SLC24A2: variants seen among roughly 807,000 people sequenced by gnomAD.
The protein encoded by SLC24A2 is solute carrier family 24 member 2, also known as sodium/potassium/calcium exchanger 2.
A neutral mutation model predicts 62.0 loss-of-function variants in SLC24A2; 36 were observed. The ratio of observed to expected loss-of-function variants is 0.58; its 90% confidence interval spans 0.44 to 0.77. SLC24A2 has a LOEUF of 0.77. Ranked by LOEUF, SLC24A2 falls within the 30% of genes least tolerant of loss-of-function variation. The pLI is 0.00. For missense variants in SLC24A2, 846 were observed against 817.9 expected (o/e 1.03, Z -0.42); for synonymous variants, 358 against 294.0 (o/e 1.22, Z -2.23).
chr9:19,807,762 C>G, the SLC24A2 span, among the ~76,000 whole-genome samples: 1 of 152,152 alleles, frequency 6.6e-6, no homozygotes, highest in East Asian at 1.9e-4. Flanking sequence ...CTGAAAAGCA[C>G]TTGGAGTTCC....
At chr9:20,130,636 G>A in the SLC24A2 span, among the ~76,000 whole-genome samples, 1 of 152,082 alleles carries the variant, frequency 6.6e-6, no homozygotes, top group South Asian at 2.1e-4. Flanking sequence ...GAGCCTGTAA[G>A]GCCTGTAAGT....
the SLC24A2 span, among the ~76,000 whole-genome samples, chr9:20,281,122 G>T: frequency 6.6e-6 from 1 of 151,888 alleles, no homozygotes; most frequent in Non-Finnish European, 1.5e-5. Context: ...TTGAGACAGG[G>T]TTTCACCATC....
At chr9:19,801,463 G>A in the SLC24A2 span, among the ~76,000 whole-genome samples, 4 of 152,170 alleles carry the variant, frequency 2.6e-5, no homozygotes, top group Non-Finnish European at 4.4e-5. Context: ...AGCTCAGCTC[G>A]AGCCATAACA....
At chr9:20,072,370 G>C in the SLC24A2 span, among the ~76,000 whole-genome samples, 1 of 152,128 alleles carries the variant, frequency 6.6e-6, no homozygotes, top group African/African-American at 2.4e-5. Flanking sequence ...GAGGACAAGA[G>C]AAGGTCAGAC....
intron 5 of SLC24A2, among the ~76,000 whole-genome samples, chr9:19,586,605 AAGAT>A (rs1486560184): frequency 6.6e-6 from 1 of 151,954 alleles, no homozygotes; most frequent in African/African-American, 2.4e-5. Flanking sequence ...TTTTTATAAA[AAGAT>A]AATCTAATTG....
chr9:19,771,048 T>C (rs991462061), intron 2 of SLC24A2, among the ~76,000 whole-genome samples: 2 of 152,182 alleles, frequency 1.3e-5, no homozygotes, highest in African/African-American at 2.4e-5. Context: ...TAAAAATAAA[T>C]AACCAAAAGC....
At chr9:19,646,040 C>T (rs976471038) in intron 2 of SLC24A2, among the ~76,000 whole-genome samples, 2 of 152,128 alleles carry the variant, frequency 1.3e-5, no homozygotes, top group Non-Finnish European at 2.9e-5. Flanking sequence ...TCTATGGATG[C>T]TAGGAAGATT....
chr9:20,289,269 T>C, the SLC24A2 span, among the ~76,000 whole-genome samples: 1 of 152,220 alleles, frequency 6.6e-6, no homozygotes, highest in African/African-American at 2.4e-5. Flanking sequence ...AGTTAAGTTT[T>C]ATGTCCTGCT....
At chr9:20,218,737 T>C in the SLC24A2 span, among the ~76,000 whole-genome samples, 1 of 152,188 alleles carries the variant, frequency 6.6e-6, no homozygotes, top group African/African-American at 2.4e-5. Context: ...GTTAGTTTTC[T>C]CTGCTATGTA....
chr9:19,803,608 T>C, the SLC24A2 span, among the ~76,000 whole-genome samples: 928 of 152,274 alleles, frequency 6.1e-3, 10 homozygotes, highest in African/African-American at 0.021. Flanking sequence ...CATAAAAATA[T>C]AAAATAAATG....
At chr9:19,664,851 G>A (rs76829609) in intron 2 of SLC24A2, among the ~76,000 whole-genome samples, 2,501 of 152,224 alleles carry the variant, frequency 0.016, 51 homozygotes, top group African/African-American at 0.056. Context: ...GGCAAGGAAG[G>A]GTCCCTAGAG....
At chr9:20,236,103 C>T in the SLC24A2 span, among the ~76,000 whole-genome samples, 21 of 152,198 alleles carry the variant, frequency 1.4e-4, no homozygotes, top group Middle Eastern at 3.4e-3. Flanking sequence ...ATGAGATAGG[C>T]GGTGAATTTT....
chr9:20,170,713 C>T, the SLC24A2 span, among the ~76,000 whole-genome samples: 1 of 152,024 alleles, frequency 6.6e-6, no homozygotes, highest in African/African-American at 2.4e-5. Flanking sequence ...AAGAGAAACT[C>T]AGAAATTCAT....
chr9:19,964,404 A>C, the SLC24A2 span, among the ~76,000 whole-genome samples: 1 of 151,926 alleles, frequency 6.6e-6, no homozygotes, highest in Non-Finnish European at 1.5e-5. Flanking sequence ...AGTTGCAGTC[A>C]AGTGGTGGAT....
At chr9:19,984,715 A>G in the SLC24A2 span, among the ~76,000 whole-genome samples, 1 of 152,210 alleles carries the variant, frequency 6.6e-6, no homozygotes, top group East Asian at 1.9e-4. Flanking sequence ...CAACAAATAA[A>G]TAAATAAGCC....
At position 19,521,072 on chromosome 9, in the gene SLC24A2, G is replaced by T. The variant is rs979478168; in HGVS notation, c.1570-12C>A. The stretch of plus-strand genomic sequence containing the variant: ...ATTGTCTCTCCAACCTAAATGTCAG[G>T]ACAGGAATAAACATCTCAGTGTTTG... On this transcript the variant is annotated splice_polypyrimidine_tract_variant and intron_variant, in intron 9 of 10. Transcript: ENST00000341998. 6.2e-7 allele frequency: 1 copy of T among 1,613,524 alleles called. No homozygotes were observed. Among genetic ancestry groups the T allele is most frequent in the Non-Finnish European group, 8.5e-7 (1 of 1,179,616 alleles).
At chr9:19,617,260 T>G (rs1185391508) in intron 4 of SLC24A2, among the ~76,000 whole-genome samples, 1 of 152,126 alleles carries the variant, frequency 6.6e-6, no homozygotes, top group Non-Finnish European at 1.5e-5. Flanking sequence ...AAATGCTGAT[T>G]TGAGAGGAGG....
chr9:20,305,890 G>A, the SLC24A2 span, among the ~76,000 whole-genome samples: 2 of 152,254 alleles, frequency 1.3e-5, no homozygotes, highest in South Asian at 2.1e-4. Flanking sequence ...GGCAGGGTTG[G>A]TTTCTTCAGA....
the SLC24A2 span, among the ~76,000 whole-genome samples, chr9:20,279,538 T>A: frequency 6.6e-6 from 1 of 152,126 alleles, no homozygotes; most frequent in Admixed American, 6.5e-5. Context: ...TCTTAAAAAA[T>A]AAACAAAAAA....
Sources: allele counts gnomAD v4.1 joint callset (sites outside exome capture counted in the v4.1 genomes callset), GRCh38; gene constraint gnomAD v4.1.1; transcripts MANE v1.5; gene names NCBI Gene and HGNC (gene_info 2026-07-23, HGNC 2026-07-21).